The following ADAMTS16 variants were observed in gnomAD, a reference collection of about 807,000 sequenced individuals.
ADAMTS16 encodes A disintegrin and metalloproteinase with thrombospondin motifs 16.
A neutral mutation model predicts 145.8 loss-of-function variants in ADAMTS16; 94 were observed. That is an observed-to-expected ratio of 0.64 (90% CI 0.55 to 0.77). The LOEUF (loss-of-function observed/expected upper bound fraction) is 0.77. Ranked by LOEUF, ADAMTS16 falls within the 30% of genes least tolerant of loss-of-function variation. The probability of loss-of-function intolerance (pLI) is 0.00; values close to 1 mark genes in which losing one functional copy is unlikely to be tolerated. For missense variants in ADAMTS16, 1,585 were observed against 1,591.5 expected, an observed-to-expected ratio of 1.00 and a Z score of 0.07; for synonymous variants, 659 against 604.3, an observed-to-expected ratio of 1.09 and a Z score of -1.33.
chr5:5,224,609 A>C (rs1334310524), intron 11 of ADAMTS16, among the ~76,000 whole-genome samples: 1 of 152,196 alleles, frequency 6.6e-6, no homozygotes, highest in East Asian at 1.9e-4. Flanking sequence ...AGTTTCTTGA[A>C]AGAAAATGAG....
At chr5:5,193,496 A>C (rs1478543929) in intron 8 of ADAMTS16, among the ~76,000 whole-genome samples, 1 of 152,188 alleles carries the variant, frequency 6.6e-6, no homozygotes, top group Non-Finnish European at 1.5e-5. Context: ...AATTTAATTA[A>C]ACAATCAAGG....
chr5:5,222,732 T>G, intron 10 of ADAMTS16, 57 bp from the exon 11 acceptor site: 1 of 1,378,186 alleles, frequency 7.3e-7, no homozygotes, highest in Non-Finnish European at 1.0e-6. Flanking sequence ...ATATTTTTAT[T>G]ATAGATGAAT....
intron 18 of ADAMTS16, among the ~76,000 whole-genome samples, chr5:5,266,045 G>A (rs558765248): frequency 2.0e-5 from 3 of 151,502 alleles, no homozygotes; most frequent in African/African-American, 7.3e-5. Flanking sequence ...ACATGCAGGA[G>A]GGACTAGTGT....
At chr5:5,281,669 CATGTGTAG>C (rs1433534958) in intron 18 of ADAMTS16, among the ~76,000 whole-genome samples, 1 of 152,004 alleles carries the variant, frequency 6.6e-6, no homozygotes, top group Non-Finnish European at 1.5e-5. Flanking sequence ...GTATTTAAAA[CATGTGTAG>C]ATGCAGAGAC....
intron 17 of ADAMTS16, among the ~76,000 whole-genome samples, chr5:5,261,579 C>T (rs2126429914): frequency 6.7e-6 from 1 of 149,896 alleles, no homozygotes; most frequent in Non-Finnish European, 1.5e-5. Context: ...CTCCAACTAC[C>T]TGGTTCCAGC....
chr5:5,143,679 CAT>C (rs1446398435), intron 2 of ADAMTS16, among the ~76,000 whole-genome samples: 3 of 152,182 alleles, frequency 2.0e-5, no homozygotes, highest in African/African-American at 7.2e-5. Context: ...CACATGCACA[CAT>C]ATGTTTAGTG....
intron 18 of ADAMTS16, among the ~76,000 whole-genome samples, chr5:5,282,318 TCAAA>T (rs1366205848): frequency 2.0e-5 from 3 of 152,262 alleles, no homozygotes; most frequent in African/African-American, 7.2e-5. Context: ...CATATTCTCT[TCAAA>T]CATTTTGATT....
chr5:5,173,692 C>T (rs1025218052), intron 3 of ADAMTS16, among the ~76,000 whole-genome samples: 2 of 152,028 alleles, frequency 1.3e-5, no homozygotes, highest in African/African-American at 4.8e-5. Context: ...CCAGGATGGT[C>T]TCGCTCTCCT....
chr5:5,248,451 T>A, intron 17 of ADAMTS16, among the ~76,000 whole-genome samples: 1 of 152,258 alleles, frequency 6.6e-6, no homozygotes, highest in East Asian at 1.9e-4. Context: ...CTCTCCAAGT[T>A]TCTTACATTA....
At position 5,319,164 on chromosome 5, in the gene ADAMTS16, A is replaced by G. The variant is rs138737119; in HGVS notation, c.*26A>G. The G allele has an allele frequency of 2.3e-4, 362 of 1,540,864 alleles. 1 individual carries two copies. In the African/African-American group the frequency reaches 4.5e-3, roughly 19 times the overall value. ...GTTGGGACCGCTCTCCGTAGCAGAG[A>G]AAGTGCCTGCGTGGCACAGAAATTT... On this transcript the variant is annotated 3_prime_UTR_variant, in exon 23 of 23. Transcript: ENST00000274181.
At chr5:5,273,316 G>A (rs1248816566) in intron 18 of ADAMTS16, among the ~76,000 whole-genome samples, 4 of 152,214 alleles carry the variant, frequency 2.6e-5, no homozygotes, top group Admixed American at 6.5e-5. Context: ...TCAGGAGTTC[G>A]AGACCAGCCT....
chr5:5,194,059 A>C (rs1386998125), intron 8 of ADAMTS16, among the ~76,000 whole-genome samples: 1 of 152,094 alleles, frequency 6.6e-6, no homozygotes, highest in Non-Finnish European at 1.5e-5. Context: ...TTGAGATTGC[A>C]CCACTGCACT....
chr5:5,200,106 C>T (rs758541638), intron 8 of ADAMTS16, 26 bp from the exon 9 acceptor site: 2 of 1,034,452 alleles, frequency 1.9e-6, no homozygotes, highest in South Asian at 1.6e-5. Context: ...CTGAAAGAAC[C>T]ATCTCTCTCT....
intron 18 of ADAMTS16, among the ~76,000 whole-genome samples, chr5:5,279,192 C>G (rs1350039494): frequency 6.6e-6 from 1 of 152,192 alleles, no homozygotes; most frequent in African/African-American, 2.4e-5. Context: ...TGCTGAACAC[C>G]CTGTTTGTGG....
chr5:5,312,015 C>G (rs1740471725), intron 21 of ADAMTS16, among the ~76,000 whole-genome samples: 1 of 152,168 alleles, frequency 6.6e-6, no homozygotes, highest in Non-Finnish European at 1.5e-5. Context: ...CTGCACTCGG[C>G]CATCGGTTCG....
chr5:5,259,985 A>G (rs1023252439), intron 17 of ADAMTS16, among the ~76,000 whole-genome samples: 9 of 152,330 alleles, frequency 5.9e-5, no homozygotes, highest in Non-Finnish European at 1.0e-4. Context: ...GCCAATCCCA[A>G]ATCCATCTTT....
chr5:5,159,088 T>C lies in ADAMTS16; in HGVS notation c.501+12633T>C, dbSNP rs571833153. 1.4e-4 allele frequency among the ~76,000 whole-genome samples: 22 copies of C among 152,340 alleles called. No homozygotes were observed. The East Asian group carries it at 4.2e-3, about 29-fold the overall frequency. ...GATAAACCAGATAATAATCAATGTC[T>C]TTTATCAAAATCCAGAACCAAGTGA... On this transcript the variant is annotated intron_variant, in intron 3 of 22. Coordinates refer to ENST00000274181, the MANE Select transcript of ADAMTS16 (RefSeq NM_139056.4).
At chr5:5,190,598 T>G (rs1735638773) in intron 7 of ADAMTS16, among the ~76,000 whole-genome samples, 1 of 152,112 alleles carries the variant, frequency 6.6e-6, no homozygotes. Context: ...GAGGCAGCAC[T>G]TTGTGATTCT....
Position 5,239,576 on chromosome 5 carries a change from A to G in ADAMTS16, c.2279-105A>G, listed in dbSNP as rs1228679515. ...CAGAACACGTCTTCACCCAGTTCCA[A>G]ATGTGGATTCTCAGGTTTTGTTTAC... On this transcript the variant is annotated intron_variant, in intron 15 of 22. Coordinates refer to ENST00000274181, the MANE Select transcript of ADAMTS16 (RefSeq NM_139056.4). The G allele has an allele frequency of 2.0e-6, 3 of 1,496,484 alleles. No individual in the cohort carries two copies. The African/African-American group carries it at 4.2e-5, about 21-fold the overall frequency. The allele number at this position is 1,496,484 out of a possible 1,614,324, so 92.7% of individuals were successfully genotyped here.
Sources: gnomAD v4.1 joint callset for allele counts (sites outside exome capture counted in the v4.1 genomes callset) on GRCh38, gnomAD v4.1.1 for gene constraint, MANE v1.5 for transcripts, NCBI Gene and HGNC (gene_info 2026-07-23, HGNC 2026-07-21) for gene names.